DMRT1: variants seen among roughly 807,000 people sequenced by gnomAD.
The protein encoded by DMRT1 is doublesex and mab-3 related transcription factor 1, also known as doublesex- and mab-3-related transcription factor 1.
A neutral mutation model predicts 32.3 loss-of-function variants in DMRT1; 7 were observed. The observed-to-expected ratio is 0.22, with a 90% CI of 0.12 to 0.41. DMRT1 has a LOEUF of 0.41. Ranked by LOEUF, DMRT1 falls within the 10% of genes least tolerant of loss-of-function variation. The pLI is 1.00. For synonymous variants in DMRT1, 278 were observed against 206.1 expected, an observed-to-expected ratio of 1.35 and a Z score of -2.99; for missense variants, 625 against 500.5, an observed-to-expected ratio of 1.25 and a Z score of -2.37.
chr9:849,976 A>C (rs1433329835), intron 2 of DMRT1, among the ~76,000 whole-genome samples: 1 of 152,170 alleles, frequency 6.6e-6, no homozygotes, highest in African/African-American at 2.4e-5. Flanking sequence ...AGCATGCGCT[A>C]TCTGGCTAAT....
At position 916,759 on chromosome 9, in the gene DMRT1, G is replaced by A; in HGVS notation, c.823-4G>A. 6.2e-7 allele frequency: 1 copy of A among 1,614,070 alleles called. No individual in the cohort carries two copies. The highest frequency in any genetic ancestry group is 8.5e-7 in the Non-Finnish European group (1 of 1,179,952). ...CAGTATATTTCTTCTTTTTTCTTAA[G>A]CAGATGAAGAACATGGAGAACCGCC... On this transcript the variant is annotated splice_region_variant and splice_polypyrimidine_tract_variant and intron_variant, in intron 3 of 4. Transcript: ENST00000382276.
chr9:922,033 A>C (rs1818370440), intron 4 of DMRT1, among the ~76,000 whole-genome samples: 1 of 136,276 alleles, frequency 7.3e-6, no homozygotes, highest in South Asian at 2.8e-4. Flanking sequence ...GGTGAGCACC[A>C]CAACGCCCAG....
At chr9:934,843 C>A (rs1397636988) in intron 4 of DMRT1, among the ~76,000 whole-genome samples, 1 of 152,170 alleles carries the variant, frequency 6.6e-6, no homozygotes, top group Non-Finnish European at 1.5e-5. Context: ...TTTCTGTGAG[C>A]ATCAGAGAAC....
chr9:911,653 C>T (rs1456329999), intron 3 of DMRT1, among the ~76,000 whole-genome samples: 1 of 151,852 alleles, frequency 6.6e-6, no homozygotes, highest in East Asian at 1.9e-4. Context: ...CCACCACACC[C>T]AGCTAATTGT....
At chr9:893,673 A>G (rs1475368287) in intron 2 of DMRT1, among the ~76,000 whole-genome samples, 1 of 152,230 alleles carries the variant, frequency 6.6e-6, no homozygotes, top group East Asian at 1.9e-4. Context: ...AATCACCTCT[A>G]AAATGGTTTT....
chr9:913,797 G>T (rs1297558895), intron 3 of DMRT1, among the ~76,000 whole-genome samples: 1 of 152,188 alleles, frequency 6.6e-6, no homozygotes, highest in South Asian at 2.1e-4. Flanking sequence ...GGAGGCTGAC[G>T]CAGGAGAATC....
chr9:871,525 T>C (rs569771201), intron 2 of DMRT1, among the ~76,000 whole-genome samples: 1 of 114,550 alleles, frequency 8.7e-6, no homozygotes, highest in African/African-American at 3.5e-5. Flanking sequence ...TTTTTTTTGG[T>C]AGAGACGGGG....
At chr9:930,804 C>T (rs1457008106) in intron 4 of DMRT1, among the ~76,000 whole-genome samples, 1 of 152,082 alleles carries the variant, frequency 6.6e-6, no homozygotes, top group East Asian at 1.9e-4. Context: ...CCTCCAAAAG[C>T]ACTTGGATTA....
intron 4 of DMRT1, 120 bp downstream of exon 4, chr9:917,027 G>A: frequency 2.7e-6 from 3 of 1,104,312 alleles, no homozygotes; most frequent in Non-Finnish European, 4.1e-6. Context: ...TTATTGCTGT[G>A]TGAAGCTTGG....
At chr9:859,688 G>T (rs1225461041) in intron 2 of DMRT1, among the ~76,000 whole-genome samples, 1 of 152,286 alleles carries the variant, frequency 6.6e-6, no homozygotes, top group Admixed American at 6.5e-5. Flanking sequence ...TAAAACGTCT[G>T]CAGGCAGACT....
In DMRT1 at chr9:841,698, C is replaced by T. The variant is rs1371000250; in HGVS notation, c.-141C>T. 8 of 1,526,046 alleles carry T rather than the reference C, an allele frequency of 5.2e-6. No individual in the cohort carries two copies. The highest frequency in any genetic ancestry group is 7.1e-6 in the Non-Finnish European group (8 of 1,133,618). The allele number at this position is 1,526,046 out of a possible 1,614,324, so 94.5% of individuals were successfully genotyped here. A position where few individuals can be genotyped will look rare whatever the true frequency, so the allele number is the denominator to read the frequency against. ...GGCGTGGCGTGCCCAGACCTCGCCA[C>T]TCCAGCTGCGCCTCCGGCTGCAGCG... On this transcript the variant is annotated 5_prime_UTR_variant, in exon 1 of 5. Coordinates refer to ENST00000382276, the MANE Select transcript of DMRT1 (RefSeq NM_021951.3).
chr9:868,958 C>G (rs1047435666), intron 2 of DMRT1, among the ~76,000 whole-genome samples: 1 of 152,104 alleles, frequency 6.6e-6, no homozygotes, highest in Non-Finnish European at 1.5e-5. Context: ...CTGGAGTGAA[C>G]CATGATCGTG....
At chr9:909,629 G>C (rs951246897) in intron 3 of DMRT1, among the ~76,000 whole-genome samples, 1 of 152,118 alleles carries the variant, frequency 6.6e-6, no homozygotes, top group African/African-American at 2.4e-5. Context: ...AAAGGTTTCT[G>C]TTCAGAAAAC....
intron 2 of DMRT1, among the ~76,000 whole-genome samples, chr9:881,193 G>A (rs1443790508): frequency 6.6e-6 from 1 of 152,120 alleles, no homozygotes; most frequent in Non-Finnish European, 1.5e-5. Context: ...TGGTAGGGAG[G>A]GGGCTCTCCA....
chr9:898,543 G>T (rs966105793), intron 3 of DMRT1, among the ~76,000 whole-genome samples: 1 of 152,124 alleles, frequency 6.6e-6, no homozygotes, highest in Admixed American at 6.5e-5. Flanking sequence ...GCCCCTCTTG[G>T]TGGCAGCTTC....
At chr9:919,370 T>A (rs573455638) in intron 4 of DMRT1, among the ~76,000 whole-genome samples, 2 of 146,750 alleles carry the variant, frequency 1.4e-5, no homozygotes, top group East Asian at 4.0e-4. Context: ...AGTGTCTTCC[T>A]CTGGGTTTGC....
chr9:915,317 C>CA (rs1191765626), intron 3 of DMRT1, among the ~76,000 whole-genome samples: 1 of 152,076 alleles, frequency 6.6e-6, no homozygotes, highest in African/African-American at 2.4e-5. Context: ...TCATCAGGGC[C>CA]AGGAAAGTGG....
At chr9:883,643 A>AAT (rs1554750668) in intron 2 of DMRT1, among the ~76,000 whole-genome samples, 1 of 151,096 alleles carries the variant, frequency 6.6e-6, no homozygotes, top group Admixed American at 6.6e-5. Flanking sequence ...AAAAAAAAAA[A>AAT]TTGCCGTGTA....
At chr9:959,814 C>T (rs138205295) in intron 4 of DMRT1, among the ~76,000 whole-genome samples, 147 of 152,308 alleles carry the variant, frequency 9.7e-4, no homozygotes, top group Non-Finnish European at 1.7e-3. Flanking sequence ...AGGCGTGACC[C>T]ACCGCATCCA....
Sources: gnomAD v4.1 joint callset for allele counts (sites outside exome capture counted in the v4.1 genomes callset) on GRCh38, gnomAD v4.1.1 for gene constraint, MANE v1.5 for transcripts, NCBI Gene and HGNC (gene_info 2026-07-23, HGNC 2026-07-21) for gene names.